The following MYCBP2 variants were observed in gnomAD, a reference collection of about 807,000 sequenced individuals.
MYCBP2 encodes the protein MYC binding protein 2.
A neutral mutation model predicts 525.3 loss-of-function variants in MYCBP2; 120 were observed. The observed-to-expected ratio is 0.23, with a 90% CI of 0.20 to 0.27. The LOEUF is 0.27. MYCBP2 is among the 10% of genes least tolerant of loss of function. The pLI is 1.00. For synonymous variants in MYCBP2, 1,894 were observed against 1,955.8 expected, an observed-to-expected ratio of 0.97 and a Z score of 0.83; for missense variants, 4,149 against 5,657.1, an observed-to-expected ratio of 0.73 and a Z score of 8.55.
chr13:77,086,377 C>T (rs561905732), intron 62 of MYCBP2, among the ~76,000 whole-genome samples: 10 of 152,180 alleles, frequency 6.6e-5, no homozygotes, highest in Admixed American at 3.3e-4. Flanking sequence ...CTTAAAAGAT[C>T]TCTTTCTTTG....
intron 52 of MYCBP2, among the ~76,000 whole-genome samples, chr13:77,126,940 G>A (rs189541782): frequency 6.6e-6 from 1 of 151,928 alleles, no homozygotes; most frequent in East Asian, 1.9e-4. Flanking sequence ...ATTGTTATGG[G>A]TAAAAAAAAG....
chr13:77,175,445 T>C (rs563556814), intron 36 of MYCBP2, among the ~76,000 whole-genome samples: 1 of 152,278 alleles, frequency 6.6e-6, no homozygotes, highest in African/African-American at 2.4e-5. Context: ...ATGTGAGCTA[T>C]AGAAACTAAT....
intron 66 of MYCBP2, 148 bp from the exon 67 acceptor site, chr13:77,077,535 T>C: frequency 1.1e-6 from 1 of 900,542 alleles, no homozygotes; most frequent in Non-Finnish European, 1.7e-6. Context: ...ATTTTCTTAT[T>C]TCAACCAGGT....
chr13:77,296,461 C>A, intron 2 of MYCBP2, 138 bp downstream of exon 2: 3 of 903,118 alleles, frequency 3.3e-6, no homozygotes, highest in Non-Finnish European at 3.1e-6. Flanking sequence ...AAAGAGGAAC[C>A]AAATCATAAA....
chr13:77,261,354 G>T lies in MYCBP2; in HGVS notation c.1669C>A (p.Gln557Lys). 1 of 1,609,572 alleles carries T rather than the reference G, an allele frequency of 6.2e-7. No homozygotes were observed. Among genetic ancestry groups the T allele is most frequent in the Non-Finnish European group, 8.5e-7 (1 of 1,178,674 alleles). ...NGKIYYTGKY[Q>K]SLGIKQGGPS... is the part of the protein sequence containing the mutation. ...CCACCTTGTTTGATTCCAAGACTCTGGTATTTGCCAGTGTAATATATCTTA... is the reference window on the plus strand; with the variant it reads ...CCACCTTGTTTGATTCCAAGACTCTTGTATTTGCCAGTGTAATATATCTTA... Residue 557 changes from glutamine to lysine, a missense_variant, in exon 12 of 83, where the codon CAG becomes AAG. Gln to Lys is a moderately conservative substitution (Grantham distance 53). This residue lies in a region of MYCBP2 where 262 missense variants were observed against 419.3 expected (regional missense o/e 0.62). Transcript: ENST00000544440.
intron 61 of MYCBP2, among the ~76,000 whole-genome samples, chr13:77,087,959 T>C (rs1220425250): frequency 3.9e-5 from 6 of 151,960 alleles, no homozygotes; most frequent in Admixed American, 2.6e-4. Context: ...TTTAAAACTT[T>C]TTTTTTGTAG....
At chr13:77,061,852 T>C (rs750851054) in intron 74 of MYCBP2, 62 bp from the exon 75 acceptor site, 52 of 1,420,710 alleles carry the variant, frequency 3.7e-5, no homozygotes, top group Non-Finnish European at 4.8e-5. Context: ...CTCATACAAA[T>C]TGAATATAAT....
At position 77,191,726 on chromosome 13, in the gene MYCBP2, G is replaced by T; in HGVS notation, c.4023C>A (p.Ser1341Arg). Reference sequence around the variant, plus strand: ...CCTGTCCATGAGATCCACAGTCACTGCTGGGTCCTGACACTCGGGCCCATG... The same window carrying T: ...CCTGTCCATGAGATCCACAGTCACTTCTGGGTCCTGACACTCGGGCCCATG... ...YVAWARVSGP[S>R]SDCGSHGQAS... is the part of the protein sequence containing the mutation. The change falls in exon 28 of 83, where the codon AGC becomes AGA. Residue 1341 changes from serine (S) to arginine (R), a missense_variant. Ser to Arg is a moderately radical substitution (Grantham distance 110). This residue lies in a region of MYCBP2 where 620 missense variants were observed against 795.5 expected (regional missense o/e 0.78). Transcript: ENST00000544440. 6.2e-7 allele frequency: 1 copy of T among 1,614,020 alleles called. No homozygotes were observed. The highest frequency in any genetic ancestry group is 8.5e-7 in the Non-Finnish European group (1 of 1,179,958).
chr13:77,082,012 A>G lies in MYCBP2; in HGVS notation c.11037-19T>C, dbSNP rs1193477854. On this transcript the variant is annotated intron_variant, in intron 63 of 82. Transcript: ENST00000544440. ...CCAGCACCTAAAAAGGCGATATATAAGCAATATACGAAATAATTATTTTCC... is the reference window on the plus strand; with the variant it reads ...CCAGCACCTAAAAAGGCGATATATAGGCAATATACGAAATAATTATTTTCC... 1 of 1,606,200 alleles carries G rather than the reference A, an allele frequency of 6.2e-7. No homozygotes were observed. Among genetic ancestry groups the G allele is most frequent in the Non-Finnish European group, 8.5e-7 (1 of 1,176,228 alleles).
chr13:77,164,433 T>G, intron 43 of MYCBP2, 21 bp downstream of exon 43: 1 of 1,514,222 alleles, frequency 6.6e-7, no homozygotes, highest in Non-Finnish European at 9.2e-7. Flanking sequence ...TCAAAAAACA[T>G]CCAGTATTGG....
chr13:77,099,239 A>G, intron 55 of MYCBP2: 2 of 579,912 alleles, frequency 3.4e-6, no homozygotes, highest in Non-Finnish European at 5.8e-6. Flanking sequence ...TGGACGCAAA[A>G]CAACAGGTTG....
At chr13:77,187,811 C>T (rs956355606) in intron 30 of MYCBP2, among the ~76,000 whole-genome samples, 10 of 151,866 alleles carry the variant, frequency 6.6e-5, no homozygotes, top group South Asian at 2.1e-4. Flanking sequence ...CTTTGGGAGG[C>T]CGAGGCGGGT....
chr13:77,052,173 CCTTCT>C (rs1015439841), intron 80 of MYCBP2, among the ~76,000 whole-genome samples: 2 of 152,086 alleles, frequency 1.3e-5, no homozygotes, highest in South Asian at 2.1e-4. Context: ...CCCTTCCTTC[CCTTCT>C]CTTCTCTTCT....
chr13:77,119,724 T>A (rs2050364522), intron 55 of MYCBP2, among the ~76,000 whole-genome samples: 1 of 152,152 alleles, frequency 6.6e-6, no homozygotes, highest in Admixed American at 6.5e-5. Flanking sequence ...TTATTAATAT[T>A]TTTTTAAGGA....
chr13:77,220,563 T>C (rs2154291844), intron 20 of MYCBP2, among the ~76,000 whole-genome samples: 1 of 152,322 alleles, frequency 6.6e-6, no homozygotes, highest in South Asian at 2.1e-4. Flanking sequence ...ATTATTAATG[T>C]GTGCTATATA....
chr13:77,112,382 T>A (rs1003988697), intron 55 of MYCBP2, among the ~76,000 whole-genome samples: 7 of 147,006 alleles, frequency 4.8e-5, no homozygotes, highest in African/African-American at 1.7e-4. Flanking sequence ...ATATATAATA[T>A]ATATTTTATA....
intron 3 of MYCBP2, among the ~76,000 whole-genome samples, chr13:77,287,888 A>G (rs756280836): frequency 2.4e-4 from 37 of 151,868 alleles, no homozygotes; most frequent in Non-Finnish European, 4.7e-4. Flanking sequence ...GCTTTTGTAC[A>G]TTTTTTAATT....
chr13:77,165,543 G>A lies in MYCBP2; in HGVS notation c.6341-152C>T, dbSNP rs1011699106. On this transcript the variant is annotated intron_variant, in intron 41 of 82. Coordinates refer to ENST00000544440, the MANE Select transcript of MYCBP2 (RefSeq NM_015057.5). ...CTTAAATAGACTTGCGGCGGGGAGC[G>A]TTCCTATATCTACTTGAGGAAACTG... The A allele has an allele frequency of 9.5e-5, 55 of 576,412 alleles. 1 individual carries two copies. Among genetic ancestry groups the A allele is most frequent in the Non-Finnish European group, 1.4e-4 (48 of 335,138 alleles). The allele number at this position is 576,412 out of a possible 1,614,324, so 35.7% of individuals were successfully genotyped here.
chr13:77,307,639 A>AC (rs1219241660), intron 1 of MYCBP2, among the ~76,000 whole-genome samples: 7 of 149,594 alleles, frequency 4.7e-5, no homozygotes, highest in African/African-American at 1.7e-4. Context: ...AAAAAAAAAA[A>AC]AAAAAAAAAA....
Sources: allele counts gnomAD v4.1 joint callset (sites outside exome capture counted in the v4.1 genomes callset), GRCh38; gene constraint gnomAD v4.1.1; regional missense constraint gnomAD v4.1.1; transcripts MANE v1.5; gene names NCBI Gene and HGNC (gene_info 2026-07-23, HGNC 2026-07-21).